Variants in HS3ST5 observed in about 807,000 individuals in gnomAD.
The protein encoded by HS3ST5 is heparan sulfate-glucosamine 3-sulfotransferase 5.
In HS3ST5, 10 loss-of-function variants were observed where a neutral mutation model predicts 25.4. The ratio of observed to expected loss-of-function variants is 0.39; its 90% confidence interval spans 0.24 to 0.67. The LOEUF is 0.67. Among genes scored for constraint, HS3ST5 ranks in the 30% least tolerant of loss-of-function variants. The pLI is 0.44. For missense variants in HS3ST5, 324 were observed against 420.7 expected, an observed-to-expected ratio of 0.77 and a Z score of 2.01; for synonymous variants, 170 against 162.4, an observed-to-expected ratio of 1.05 and a Z score of -0.36.
intron 1 of HS3ST5, among the ~76,000 whole-genome samples, chr6:114,308,185 A>G (rs570694895): frequency 5.9e-5 from 9 of 152,346 alleles, no homozygotes; most frequent in African/African-American, 1.9e-4. Context: ...TATCTTAAGC[A>G]TAAATTGAAT....
intron 1 of HS3ST5, among the ~76,000 whole-genome samples, chr6:114,259,172 G>C (rs1027361469): frequency 6.6e-6 from 1 of 152,106 alleles, no homozygotes; most frequent in African/African-American, 2.4e-5. Flanking sequence ...ACTATTACAT[G>C]TTATTGACCA....
At chr6:114,186,477 G>T (rs1220638995) in intron 2 of HS3ST5, among the ~76,000 whole-genome samples, 2 of 152,134 alleles carry the variant, frequency 1.3e-5, no homozygotes, top group African/African-American at 4.8e-5. Context: ...TCTAGAGAAA[G>T]GTCCTAACTG....
chr6:114,331,385 G>A (rs1776388905), intron 1 of HS3ST5, among the ~76,000 whole-genome samples: 1 of 152,032 alleles, frequency 6.6e-6, no homozygotes, highest in African/African-American at 2.4e-5. Flanking sequence ...TTTAAGACAG[G>A]AAATGGGAAT....
intron 3 of HS3ST5, among the ~76,000 whole-genome samples, chr6:114,072,660 T>G (rs1184608746): frequency 1.3e-5 from 2 of 152,074 alleles, no homozygotes; most frequent in Non-Finnish European, 2.9e-5. Flanking sequence ...GGTGGTAGCT[T>G]AAAATTGGCC....
At chr6:114,194,322 T>C (rs1412870518) in intron 2 of HS3ST5, among the ~76,000 whole-genome samples, 1 of 152,110 alleles carries the variant, frequency 6.6e-6, no homozygotes, top group Non-Finnish European at 1.5e-5. Flanking sequence ...TAAGCCCCCC[T>C]CCAACTGGAT....
At chr6:114,092,771 G>A (rs1258858358) in intron 3 of HS3ST5, among the ~76,000 whole-genome samples, 1 of 151,152 alleles carries the variant, frequency 6.6e-6, no homozygotes, top group Non-Finnish European at 1.5e-5. Flanking sequence ...TGCCTCCTGG[G>A]GTTCAAGCGA....
At chr6:114,280,973 C>A (rs1391264567) in intron 1 of HS3ST5, among the ~76,000 whole-genome samples, 1 of 151,946 alleles carries the variant, frequency 6.6e-6, no homozygotes, top group Non-Finnish European at 1.5e-5. Flanking sequence ...AAGATAGTAG[C>A]CTTGTAAGTA....
At chr6:114,139,135 T>C (rs1403907965) in intron 3 of HS3ST5, among the ~76,000 whole-genome samples, 1 of 152,198 alleles carries the variant, frequency 6.6e-6, no homozygotes, top group Admixed American at 6.5e-5. Context: ...CCCTGTTGCC[T>C]TGATCTTCTC....
At chr6:114,064,041 C>G (rs939655488) in intron 3 of HS3ST5, among the ~76,000 whole-genome samples, 16 of 151,968 alleles carry the variant, frequency 1.1e-4, no homozygotes, top group African/African-American at 3.6e-4. Flanking sequence ...CCAATTCAGC[C>G]TTTCTTATTA....
At chr6:114,196,895 G>C (rs982315884) in intron 2 of HS3ST5, among the ~76,000 whole-genome samples, 6 of 151,766 alleles carry the variant, frequency 4.0e-5, no homozygotes, top group African/African-American at 1.5e-4. Flanking sequence ...AATAAACATT[G>C]GGTGAAAAGA....
intron 2 of HS3ST5, among the ~76,000 whole-genome samples, chr6:114,203,979 C>G (rs1582711875): frequency 6.6e-6 from 1 of 152,214 alleles, no homozygotes; most frequent in Non-Finnish European, 1.5e-5. Flanking sequence ...TAGGGAGAAC[C>G]ACAGAGTGAT....
At chr6:114,153,219 G>A (rs562751481) in intron 3 of HS3ST5, among the ~76,000 whole-genome samples, 2 of 152,320 alleles carry the variant, frequency 1.3e-5, no homozygotes, top group Non-Finnish European at 2.9e-5. Context: ...AGTACCAACA[G>A]CTGGGATATC....
chr6:114,142,491 G>C (rs868088770), intron 3 of HS3ST5, among the ~76,000 whole-genome samples: 1 of 152,122 alleles, frequency 6.6e-6, no homozygotes, highest in Non-Finnish European at 1.5e-5. Flanking sequence ...AGAAAGGAGG[G>C]AGCAGTTACT....
intron 3 of HS3ST5, among the ~76,000 whole-genome samples, chr6:114,123,023 G>C (rs1162616230): frequency 6.6e-6 from 1 of 152,186 alleles, no homozygotes; most frequent in Non-Finnish European, 1.5e-5. Flanking sequence ...TGCAATCTCA[G>C]CTCACCGCAA....
chr6:114,241,895 A>T (rs1234155049), intron 1 of HS3ST5, among the ~76,000 whole-genome samples: 1 of 152,190 alleles, frequency 6.6e-6, no homozygotes. Flanking sequence ...ATATATAATG[A>T]CTATGCAATT....
chr6:114,333,794 C>A (rs1464800808), intron 1 of HS3ST5, among the ~76,000 whole-genome samples: 1 of 151,978 alleles, frequency 6.6e-6, no homozygotes, highest in Non-Finnish European at 1.5e-5. Context: ...CCAGGCACAT[C>A]TATCAAGACA....
At chr6:114,269,810 A>T (rs1374767005) in intron 1 of HS3ST5, among the ~76,000 whole-genome samples, 1 of 152,208 alleles carries the variant, frequency 6.6e-6, no homozygotes, top group East Asian at 1.9e-4. Flanking sequence ...ATATAGTCCA[A>T]TCCCCTCAGT....
At chr6:114,268,085 G>A (rs1773485918) in intron 1 of HS3ST5, among the ~76,000 whole-genome samples, 1 of 152,100 alleles carries the variant, frequency 6.6e-6, no homozygotes, top group African/African-American at 2.4e-5. Flanking sequence ...CCTATGATTG[G>A]GCAGGGGACT....
intron 3 of HS3ST5, among the ~76,000 whole-genome samples, chr6:114,080,419 G>A (rs1774385585): frequency 6.6e-6 from 1 of 152,096 alleles, no homozygotes; most frequent in Non-Finnish European, 1.5e-5. Context: ...ATTTGACCCA[G>A]CAATCCCATT....
Sources: gnomAD v4.1 joint callset for allele counts (sites outside exome capture counted in the v4.1 genomes callset) on GRCh38, gnomAD v4.1.1 for gene constraint, MANE v1.5 for transcripts, NCBI Gene and HGNC (gene_info 2026-07-23, HGNC 2026-07-21) for gene names.